The following RBBP8 variants were observed in gnomAD, a reference collection of about 807,000 sequenced individuals.
The protein encoded by RBBP8 is RB binding protein 8, endonuclease, also known as DNA endonuclease RBBP8.
A neutral mutation model predicts 108.3 loss-of-function variants in RBBP8; 88 were observed. That is an observed-to-expected ratio of 0.81 (90% confidence interval 0.68 to 0.97). The LOEUF is 0.97. Ranked by LOEUF, RBBP8 falls within the 50% of genes least tolerant of loss-of-function variation. The pLI, the probability that RBBP8 is intolerant of heterozygous loss-of-function variation, is 0.00. For missense variants in RBBP8, 1,023 were observed against 1,049.0 expected (o/e 0.98, Z 0.34); for synonymous variants, 332 against 348.2 (o/e 0.95, Z 0.52).
At chr18:22,925,402 T>C (rs1360990542) in intron 3 of RBBP8, among the ~76,000 whole-genome samples, 1 of 152,188 alleles carries the variant, frequency 6.6e-6, no homozygotes, top group Non-Finnish European at 1.5e-5. Flanking sequence ...AAAGTAACTA[T>C]CAAAGCTTCC....
intron 3 of RBBP8, among the ~76,000 whole-genome samples, chr18:22,920,534 T>C (rs560316448): frequency 6.6e-6 from 1 of 152,344 alleles, no homozygotes; most frequent in African/African-American, 2.4e-5. Flanking sequence ...ATCTATTCCC[T>C]TGAAAGTTCT....
chr18:23,020,969 C>T (rs2046338277), intron 17 of RBBP8, among the ~76,000 whole-genome samples: 1 of 152,166 alleles, frequency 6.6e-6, no homozygotes, highest in Non-Finnish European at 1.5e-5. Flanking sequence ...TCTTTAAAGC[C>T]TTTAATCTGT....
rs759589956 is a variant in RBBP8, at chr18:22,949,718, G to T, written c.248+5G>T. 1 of 1,590,980 alleles carries T rather than the reference G, an allele frequency of 6.3e-7. No homozygotes were observed. Among genetic ancestry groups the T allele is most frequent in the Non-Finnish European group, 8.6e-7 (1 of 1,159,144 alleles). The stretch of plus-strand genomic sequence containing the variant: ...CATTAAAGTTTTAGAAGATCGGTGA[G>T]TCTGGCACTTAGGTCTTGAGTAAGA... On this transcript the variant is annotated splice_donor_5th_base_variant and intron_variant, in intron 4 of 18. Coordinates refer to ENST00000327155, the MANE Select transcript of RBBP8 (RefSeq NM_002894.3).
In RBBP8 at chr18:23,022,171, G is replaced by A. The variant is rs772867779; in HGVS notation, c.2497G>A (p.Ala833Thr). The change falls in exon 18 of 19, where the codon GCT becomes ACT. Residue 833 changes from alanine to threonine, a missense_variant. Coordinates refer to ENST00000327155, the MANE Select transcript of RBBP8 (RefSeq NM_002894.3). ...AGCAGAAGAAAGAGAAAAGAAATTG[G>A]CTTCCTGCTCAAGACACCGATTCCG... ...MPAEEREKKL[A>T]SCSRHRFRYI... The A allele has an allele frequency of 6.2e-7, 1 of 1,610,266 alleles. No homozygotes were observed. Among genetic ancestry groups the A allele is most frequent in the South Asian group, 1.1e-5 (1 of 90,988 alleles).
chr18:22,978,507 T>G lies in RBBP8; in HGVS notation c.428+3288T>G, dbSNP rs544303360. On this transcript the variant is annotated intron_variant, in intron 6 of 18. Transcript: ENST00000327155. ...GCACCTCTAGTTAGAGCTAGTTTTG[T>G]TTGTTTTTTTGTTTTTTCCTTTTGT... 7.0e-5 allele frequency among the ~76,000 whole-genome samples: 10 copies of G among 142,378 alleles called. No individual in the cohort carries two copies. In the South Asian group the frequency reaches 1.3e-3, roughly 19 times the overall value. The allele number at this position is 142,378 out of a possible 152,430, so 93.4% of individuals were successfully genotyped here.
chr18:23,002,166 G>A (rs917422392), intron 15 of RBBP8, among the ~76,000 whole-genome samples: 1 of 152,160 alleles, frequency 6.6e-6, no homozygotes, highest in African/African-American at 2.4e-5. Context: ...TGTAATCCCA[G>A]CACTTTGGAA....
Position 22,946,510 on chromosome 18 carries a change from A to T in RBBP8, c.152+24A>T, listed in dbSNP as rs61195791. The T allele has an allele frequency of 0.036, 58,485 of 1,610,914 alleles. 1,474 individuals carry two copies. Among genetic ancestry groups the T allele is most frequent in the African/African-American group, 0.13 (9,893 of 74,918 alleles). On this transcript the variant is annotated intron_variant, in intron 3 of 18. Transcript: ENST00000327155. The stretch of plus-strand genomic sequence containing the variant: ...TTGTAAGTATCAGTATGTAATACTC[A>T]TGTGTTATTTATAGAGTAGTTGATA...
At chr18:22,965,603 C>A (rs1335029839) in intron 4 of RBBP8, among the ~76,000 whole-genome samples, 2 of 152,160 alleles carry the variant, frequency 1.3e-5, no homozygotes, top group Non-Finnish European at 2.9e-5. Flanking sequence ...CCTAACTGAG[C>A]CTCATGGCTC....
intron 18 of RBBP8, among the ~76,000 whole-genome samples, chr18:23,022,658 T>TAAAA (rs1234771238): frequency 0.21 from 16,839 of 79,128 alleles, 3,441 homozygotes; most frequent in Non-Finnish European, 0.34. Context: ...CAATATAAAA[T>TAAAA]AAAATAAAAT....
At position 22,980,337 on chromosome 18, in the gene RBBP8, CAG is replaced by C. The variant is rs200190518; in HGVS notation, c.429-1880_429-1879del. On this transcript the variant is annotated intron_variant, in intron 6 of 18. Transcript: ENST00000327155. ...GGATAAAGTTTATAGAGCAGAATAA[CAG>C]GGAACAGGAGTACTAGGGTGTGTGA... Among the ~76,000 whole-genome samples, 70 of 152,188 alleles carry C rather than the reference CAG, an allele frequency of 4.6e-4. No individual in the cohort carries two copies. In the East Asian group the frequency reaches 0.014, roughly 29 times the overall value.
At chr18:22,932,180 G>A (rs1910075883), upstream of RBBP8, among the ~76,000 whole-genome samples, 1 of 152,164 alleles carries the variant, frequency 6.6e-6, no homozygotes, top group African/African-American at 2.4e-5. Flanking sequence ...AACAGGTTGG[G>A]TCATTCTGCT....
chr18:22,915,042 A>G (rs1274473569), intron 1 of RBBP8, among the ~76,000 whole-genome samples: 6 of 152,084 alleles, frequency 3.9e-5, no homozygotes, highest in African/African-American at 1.4e-4. Context: ...AAAGTTACCA[A>G]TCCCTTTAGA....
At chr18:23,012,798 G>A (rs991046386) in intron 16 of RBBP8, among the ~76,000 whole-genome samples, 2 of 152,196 alleles carry the variant, frequency 1.3e-5, no homozygotes, top group African/African-American at 2.4e-5. Flanking sequence ...CCTTCTATTG[G>A]AAGAAGATGC....
intron 8 of RBBP8, among the ~76,000 whole-genome samples, chr18:22,987,320 A>T (rs1915397343): frequency 6.6e-6 from 1 of 152,116 alleles, no homozygotes; most frequent in Admixed American, 6.6e-5. Context: ...ACTTACAGGG[A>T]TTGAAGAGAG....
chr18:23,001,639 CATGAAGAGT>C lies in RBBP8; in HGVS notation c.2203_2211del (p.Glu735_Glu737del). 6.2e-7 allele frequency: 1 copy of C among 1,614,032 alleles called. No homozygotes were observed. The highest frequency in any genetic ancestry group is 8.5e-7 in the Non-Finnish European group (1 of 1,179,978). Reference sequence around the variant, plus strand: ...GGAAGATATGTTTGATCGGACAACACATGAAGAGTATGAATCCTGTTTGGCAGACAGTTT... The same window carrying C: ...GGAAGATATGTTTGATCGGACAACACATGAATCCTGTTTGGCAGACAGTTT... On this transcript the variant is annotated inframe_deletion, in exon 15 of 19. Coordinates refer to ENST00000327155, the MANE Select transcript of RBBP8 (RefSeq NM_002894.3).
At chr18:23,026,073 T>G in intron 18 of RBBP8, 70 bp from the exon 19 acceptor site, 1 of 1,191,970 alleles carries the variant, frequency 8.4e-7, no homozygotes, top group Non-Finnish European at 1.2e-6. Context: ...AGAGAAATGT[T>G]TACTAGATAT....
At chr18:22,946,605 TA>T (rs956827225) in intron 3 of RBBP8, 119 bp downstream of exon 3, 31 of 1,428,150 alleles carry the variant, frequency 2.2e-5, no homozygotes, top group South Asian at 4.1e-5. Context: ...GTCTTATTTA[TA>T]AAAAAAATTA....
chr18:22,987,714 A>G (rs557666054), intron 8 of RBBP8, among the ~76,000 whole-genome samples: 3 of 152,334 alleles, frequency 2.0e-5, no homozygotes, highest in African/African-American at 7.2e-5. Context: ...TCAGCCTGCC[A>G]AAGTGTTGGG....
intron 16 of RBBP8, among the ~76,000 whole-genome samples, chr18:23,010,812 G>A (rs1436738818): frequency 6.6e-6 from 1 of 152,136 alleles, no homozygotes; most frequent in African/African-American, 2.4e-5. Context: ...CTGCAAACCT[G>A]GGAAGATGGA....
Sources: allele counts gnomAD v4.1 joint callset (sites outside exome capture counted in the v4.1 genomes callset), GRCh38; gene constraint gnomAD v4.1.1; transcripts MANE v1.5; gene names NCBI Gene and HGNC (gene_info 2026-07-23, HGNC 2026-07-21).